Variants in USP6NL observed in about 807,000 individuals in gnomAD.
USP6NL encodes USP6 N-terminal like, also known as USP6 N-terminal-like protein.
Under a neutral mutation model 61.9 loss-of-function variants are expected in USP6NL, and 26 were observed. That is an observed-to-expected ratio of 0.42 (90% CI 0.31 to 0.58). USP6NL has a LOEUF of 0.58. USP6NL is among the 20% of genes least tolerant of loss of function. USP6NL has a pLI of 0.16. For synonymous variants in USP6NL, 432 were observed against 390.1 expected (o/e 1.11, Z -1.27); for missense variants, 1,114 against 1,034.3 (o/e 1.08, Z -1.06).
In USP6NL at chr10:11,462,667, C is replaced by T. The variant is rs780150922; in HGVS notation, c.2261G>A (p.Arg754Gln). ...RPETQGQSWT[R>Q]DASRGNLPKY... ...TGGTAAATTGCCACGGCTAGCATCTCGGGTCCATGATTGTCCCTGCGTCTC... is the reference window on the plus strand; with the variant it reads ...TGGTAAATTGCCACGGCTAGCATCTTGGGTCCATGATTGTCCCTGCGTCTC... Residue 754 changes from arginine to glutamine, a missense_variant, in exon 15 of 15, where the codon CGA (arginine) becomes CAA (glutamine). By Grantham distance (43) the Arg-to-Gln change is conservative (BLOSUM62 1). Coordinates refer to ENST00000609104, the MANE Select transcript of USP6NL (RefSeq NM_014688.5). The T allele has an allele frequency of 2.5e-6, 4 of 1,613,962 alleles. No homozygotes were observed. Among genetic ancestry groups the T allele is most frequent in the Non-Finnish European group, 3.4e-6 (4 of 1,179,888 alleles).
At chr10:11,577,937 A>AATACAGGTGATGTTATT (rs72460444) in intron 2 of USP6NL, among the ~76,000 whole-genome samples, 1 of 152,056 alleles carries the variant, frequency 6.6e-6, no homozygotes, top group Non-Finnish European at 1.5e-5. Context: ...AAGAAAAAAA[A>AATACAGGTGATGTTATT]ATACAGGTGA....
intron 1 of USP6NL, among the ~76,000 whole-genome samples, chr10:11,606,767 G>A (rs551634941): frequency 2.0e-5 from 3 of 150,604 alleles, no homozygotes; most frequent in African/African-American, 7.3e-5. Context: ...GAACATAGAA[G>A]AGGTGAAGAC....
In USP6NL at chr10:11,496,065, G is replaced by C. The variant is rs1833912829; in HGVS notation, c.385-2837C>G. ...CTGCTAGTGATCTGGGAGGTGAGTT[G>C]AGGAAAAAGGCTGGACTGTCCAAAA... On this transcript the variant is annotated intron_variant, in intron 7 of 14. Transcript: ENST00000609104. This position sits in a 1 kb window ranked among gnomAD's most constrained non-coding sequence, Gnocchi z 5.4. 6.6e-6 allele frequency among the ~76,000 whole-genome samples: 1 copy of C among 152,202 alleles called. No individual in the cohort carries two copies. Among genetic ancestry groups the C allele is most frequent in the South Asian group, 2.1e-4 (1 of 4,830 alleles).
chr10:11,558,455 T>G (rs549864163), intron 2 of USP6NL, among the ~76,000 whole-genome samples: 1 of 152,302 alleles, frequency 6.6e-6, no homozygotes, highest in East Asian at 1.9e-4. Context: ...CCCTCTACCC[T>G]TATATTCCCT....
rs191600236 is a variant in USP6NL at position 11,487,142 on chromosome 10, A to G, written c.665-1231T>C. 3.0e-3 allele frequency among the ~76,000 whole-genome samples: 451 copies of G among 152,326 alleles called. 3 individuals are homozygous for G. Among genetic ancestry groups the G allele is most frequent in the African/African-American group, 0.011 (439 of 41,568 alleles). On this transcript the variant is annotated intron_variant, in intron 10 of 14. Coordinates refer to ENST00000609104, the MANE Select transcript of USP6NL (RefSeq NM_014688.5). This position sits in a 1 kb window ranked among gnomAD's most constrained non-coding sequence, Gnocchi z 4.2. ...ATTTTCAAGAAAAGTCTAATTTTCG[A>G]AAAGTCAATACAGTTCAGTAATAAC...
Position 11,485,039 on chromosome 10 carries a change from T to A in USP6NL, c.857A>T (p.Asp286Val). The A allele has an allele frequency of 2.6e-6, 4 of 1,551,240 alleles. No homozygotes were observed. The highest frequency in any genetic ancestry group is 3.5e-6 in the Non-Finnish European group (4 of 1,146,920). The change falls in exon 13 of 15, where the codon GAT becomes GTT. Residue 286 changes from aspartate (D) to valine (V), a missense_variant. Coordinates refer to ENST00000609104, the MANE Select transcript of USP6NL (RefSeq NM_014688.5). The surrounding 1 kb of genome is among the most constrained non-coding windows in gnomAD (Gnocchi z 4.8). ...TCGTTCTCCTTCAAAGATGTAGATA[T>A]CCCATATTCTGAGGTTTAGTGTAAA... The part of the protein sequence containing the change: ...TPFTLNLRIW[D>V]IYIFEGERVL...
chr10:11,552,700 T>C (rs1734814975), intron 2 of USP6NL, among the ~76,000 whole-genome samples: 1 of 152,240 alleles, frequency 6.6e-6, no homozygotes, highest in African/African-American at 2.4e-5. Flanking sequence ...ACTAAACATA[T>C]TCTTAGCTTT....
chr10:11,556,208 A>G (rs1836701043), intron 2 of USP6NL, among the ~76,000 whole-genome samples: 2 of 152,218 alleles, frequency 1.3e-5, no homozygotes, highest in African/African-American at 4.8e-5. Flanking sequence ...ATTTTTCTGG[A>G]AAACAGACAT....
At chr10:11,502,580 A>T (rs1273576253) in intron 6 of USP6NL, among the ~76,000 whole-genome samples, 2 of 152,240 alleles carry the variant, frequency 1.3e-5, no homozygotes, top group East Asian at 3.8e-4. Context: ...ATAAGATGCC[A>T]GTTCTAATAA....
At position 11,598,899 on chromosome 10, in the gene USP6NL, T is replaced by C. The variant is rs1838417719; in HGVS notation, c.-83-1182A>G. On this transcript the variant is annotated intron_variant, in intron 1 of 14. Coordinates refer to ENST00000609104, the MANE Select transcript of USP6NL (RefSeq NM_014688.5). This position sits in a 1 kb window ranked among gnomAD's most constrained non-coding sequence, Gnocchi z 4.7. ...GCCCAGCATGGCCCGCACACTGTAATTAGCATGGCATAGAATCACAGTGCT... is the reference window on the plus strand; with the variant it reads ...GCCCAGCATGGCCCGCACACTGTAACTAGCATGGCATAGAATCACAGTGCT... Among the ~76,000 whole-genome samples the C allele has an allele frequency of 6.6e-6, 1 of 152,242 alleles. No individual in the cohort carries two copies.
intron 5 of USP6NL, among the ~76,000 whole-genome samples, chr10:11,517,012 G>A (rs188150782): frequency 6.0e-4 from 92 of 152,292 alleles, no homozygotes; most frequent in African/African-American, 2.2e-3. Flanking sequence ...ATTACAAAAG[G>A]GGGAGGGGAA....
intron 1 of USP6NL, among the ~76,000 whole-genome samples, chr10:11,610,539 GTAAT>G (rs1170775207): frequency 2.6e-5 from 4 of 151,740 alleles, no homozygotes; most frequent in Non-Finnish European, 1.5e-5. Flanking sequence ...TCCCAAAGGT[GTAAT>G]TATTTTTATA....
At chr10:11,607,501 T>C (rs974852526) in intron 1 of USP6NL, among the ~76,000 whole-genome samples, 1 of 152,054 alleles carries the variant, frequency 6.6e-6, no homozygotes, top group African/African-American at 2.4e-5. Flanking sequence ...CTGGGCAACA[T>C]GGAGAAACCT....
At chr10:11,509,502 T>C (rs1037180674) in intron 6 of USP6NL, 93 bp downstream of exon 6, 3 of 1,218,752 alleles carry the variant, frequency 2.5e-6, no homozygotes, top group Admixed American at 5.7e-5. Flanking sequence ...CAAATATGAA[T>C]GTAACACTCT....
At chr10:11,603,881 G>T (rs1276075898) in intron 1 of USP6NL, among the ~76,000 whole-genome samples, 1 of 152,188 alleles carries the variant, frequency 6.6e-6, no homozygotes, top group Non-Finnish European at 1.5e-5. Context: ...AATACACACA[G>T]GTGAAGAGAG....
chr10:11,504,383 T>C (rs570024072), intron 6 of USP6NL, among the ~76,000 whole-genome samples: 2 of 152,318 alleles, frequency 1.3e-5, no homozygotes, highest in African/African-American at 4.8e-5. Flanking sequence ...ACTGGCAAAG[T>C]GGCATTTCAT....
chr10:11,529,448 A>G (rs1190804033), intron 2 of USP6NL, among the ~76,000 whole-genome samples: 1 of 152,274 alleles, frequency 6.6e-6, no homozygotes, highest in African/African-American at 2.4e-5. Flanking sequence ...AGATCATCAA[A>G]CAAGCGCAAG....
At chr10:11,571,303 C>T (rs1010263234) in intron 2 of USP6NL, among the ~76,000 whole-genome samples, 5 of 152,048 alleles carry the variant, frequency 3.3e-5, no homozygotes, top group Non-Finnish European at 5.9e-5. Flanking sequence ...TCAGGCTGGT[C>T]TCGAAATCCC....
rs2096216331 is a variant in USP6NL at position 11,462,072 on chromosome 10, T to A, written c.*369A>T. On this transcript the variant is annotated 3_prime_UTR_variant, in exon 15 of 15. Coordinates refer to ENST00000609104, the MANE Select transcript of USP6NL (RefSeq NM_014688.5). ...TACATATAGCCTTAAAAATATCTAT[T>A]CTACAGTTTTTTCAGTACTTTGTAA... The A allele has an allele frequency of 4.8e-6, 1 of 208,722 alleles. No homozygotes were observed. Among genetic ancestry groups the A allele is most frequent in the African/African-American group, 2.3e-5 (1 of 43,116 alleles). The allele number at this position is 208,722 out of a possible 1,614,324, so 12.9% of individuals were successfully genotyped here.
Sources: gnomAD v4.1 joint callset for allele counts (sites outside exome capture counted in the v4.1 genomes callset) on GRCh38, gnomAD v4.1.1 for gene constraint, Gnocchi (gnomAD v3.1) non-coding constraint, MANE v1.5 for transcripts, NCBI Gene and HGNC (gene_info 2026-07-23, HGNC 2026-07-21) for gene names.